The following PSMD2 variants were observed in gnomAD, a reference collection of about 807,000 sequenced individuals.
PSMD2 encodes the protein proteasome 26S subunit ubiquitin receptor, non-ATPase 2, also known as 26S proteasome non-ATPase regulatory subunit 2.
A neutral mutation model predicts 101.5 loss-of-function variants in PSMD2; 8 were observed. That is an observed-to-expected ratio of 0.08 (90% CI 0.05 to 0.14). The LOEUF (loss-of-function observed/expected upper bound fraction) is 0.14, where lower values mean the gene tolerates loss of function less well. Among genes scored for constraint, PSMD2 ranks in the 10% least tolerant of loss-of-function variants. PSMD2 has a pLI of 1.00. For missense variants in PSMD2, 784 were observed against 1,147.4 expected, an observed-to-expected ratio of 0.68 and a Z score of 4.58; for synonymous variants, 418 against 433.8, an observed-to-expected ratio of 0.96 and a Z score of 0.45.
chr3:184,302,598 G>C, intron 6 of PSMD2, 70 bp downstream of exon 6: 1 of 1,611,284 alleles, frequency 6.2e-7, no homozygotes, highest in Admixed American at 1.7e-5. Flanking sequence ...GCTGGGACTT[G>C]TAGTTTCTGG....
At chr3:184,302,234 T>G (rs527557633) in intron 5 of PSMD2, 136 bp from the exon 6 acceptor site, 4 of 1,158,528 alleles carry the variant, frequency 3.5e-6, no homozygotes, top group South Asian at 3.0e-5. Flanking sequence ...ACTTTGTGTC[T>G]TCTTAGTAGT....
In PSMD2 at chr3:184,308,391, T is replaced by G; in HGVS notation, c.2426-58T>G. ...TCAGCGCTGAGGTGGGCTCTCAATG[T>G]TTCTGGCCAGGCCTGTCTTTTTGTC... On this transcript the variant is annotated intron_variant, in intron 19 of 20. Coordinates refer to ENST00000310118, the MANE Select transcript of PSMD2 (RefSeq NM_002808.5). The surrounding 1 kb of genome is among the most constrained non-coding windows in gnomAD (Gnocchi z 6.0). 7.1e-7 allele frequency: 1 copy of G among 1,398,892 alleles called. No individual in the cohort carries two copies. The highest frequency in any genetic ancestry group is 9.9e-7 in the Non-Finnish European group (1 of 1,010,206). 86.7% of individuals were successfully genotyped at this position (1,398,892 alleles called of 1,614,324 possible).
chr3:184,306,321 G>C (rs1721829780), intron 14 of PSMD2, 29 bp from the exon 15 acceptor site: 8 of 1,608,790 alleles, frequency 5.0e-6, no homozygotes, highest in Middle Eastern at 1.7e-4. Flanking sequence ...TCTCATTTCT[G>C]TCCATTCTCC....
In PSMD2 at chr3:184,300,550, G is replaced by T. The variant is rs978652712; in HGVS notation, c.357+106G>T. On this transcript the variant is annotated intron_variant, in intron 3 of 20. Transcript: ENST00000310118. ...ACAGGAAGCCTGATAGACCTAAGCC[G>T]TGATCTATTTGAGCAGAGTTCATCA... 3 of 1,482,692 alleles carry T rather than the reference G, an allele frequency of 2.0e-6. No individual in the cohort carries two copies. In the East Asian group the frequency reaches 7.0e-5, roughly 35 times the overall value. The allele number at this position is 1,482,692 out of a possible 1,614,324, so 91.8% of individuals were successfully genotyped here.
chr3:184,300,686 G>C, intron 3 of PSMD2: 1 of 1,249,254 alleles, frequency 8.0e-7, no homozygotes, highest in Non-Finnish European at 1.0e-6. Context: ...TACTTTTAAC[G>C]TATGTTTAAC....
intron 5 of PSMD2, 146 bp downstream of exon 5, chr3:184,302,217 G>A: frequency 8.5e-7 from 1 of 1,175,204 alleles, no homozygotes; most frequent in African/African-American, 1.5e-5. Context: ...GTTTCTTGAG[G>A]ACAGAGACTT....
rs1721763340 is a variant in PSMD2, at chr3:184,304,513, G to T, written c.1539+122G>T. 1.2e-5 allele frequency: 12 copies of T among 1,001,752 alleles called. No individual in the cohort carries two copies. The highest frequency in any genetic ancestry group is 1.7e-5 in the Non-Finnish European group (11 of 646,732). The allele number at this position is 1,001,752 out of a possible 1,614,324, so 62.1% of individuals were successfully genotyped here. On this transcript the variant is annotated intron_variant, in intron 12 of 20. Coordinates refer to ENST00000310118, the MANE Select transcript of PSMD2 (RefSeq NM_002808.5). The surrounding 1 kb of genome is among the most constrained non-coding windows in gnomAD (Gnocchi z 4.1). The stretch of plus-strand genomic sequence containing the variant: ...GTGTGCATACATGTACATGCCTGTT[G>T]GTGTGTATTGAGGGGCGTCACCTCA...
At chr3:184,300,649 G>T in intron 3 of PSMD2, 1 of 1,354,642 alleles carries the variant, frequency 7.4e-7, no homozygotes, top group Non-Finnish European at 9.5e-7. Flanking sequence ...CATGTGTATT[G>T]GACTTTGGGG....
At position 184,307,379 on chromosome 3, in the gene PSMD2, T is replaced by G; in HGVS notation, c.2057T>G (p.Leu686Arg). Residue 686 changes from leucine (L) to arginine (R), a missense_variant, in exon 17 of 21, where the codon CTC (leucine) becomes CGC (arginine). By Grantham distance (102) the Leu-to-Arg change is moderately radical. Transcript: ENST00000310118. ...CAGCTGAGATATGGGGAGCCTACACTCCGGAGGGCTGTACCTTTAGCACTG... is the reference window on the plus strand; with the variant it reads ...CAGCTGAGATATGGGGAGCCTACACGCCGGAGGGCTGTACCTTTAGCACTG... Reference protein sequence around the residue: ...GHLLRYGEPTLRRAVPLALAL... With the variant: ...GHLLRYGEPTRRRAVPLALAL... The G allele has an allele frequency of 6.2e-7, 1 of 1,614,190 alleles. No homozygotes were observed. The highest frequency in any genetic ancestry group is 8.5e-7 in the Non-Finnish European group (1 of 1,180,028).
rs1177840122 is a variant in PSMD2, at chr3:184,299,922, T to G, written c.192+15T>G. The G allele has an allele frequency of 1.2e-6, 2 of 1,610,522 alleles. No individual in the cohort carries two copies. The highest frequency in any genetic ancestry group is 1.7e-6 in the Non-Finnish European group (2 of 1,176,826). On this transcript the variant is annotated intron_variant, in intron 2 of 20. Transcript: ENST00000310118. ...AACGACTAGGGGTGAGTCACGATGT[T>G]AACATGATTCGGTGCATGTTTGGAT...
In PSMD2 at chr3:184,308,898, C is replaced by T; in HGVS notation, c.*8C>T. The T allele has an allele frequency of 6.2e-7, 1 of 1,609,486 alleles. No individual in the cohort carries two copies. Among genetic ancestry groups the T allele is most frequent in the Non-Finnish European group, 8.5e-7 (1 of 1,178,224 alleles). On this transcript the variant is annotated 3_prime_UTR_variant, in exon 21 of 21. Coordinates refer to ENST00000310118, the MANE Select transcript of PSMD2 (RefSeq NM_002808.5). This position sits in a 1 kb window ranked among gnomAD's most constrained non-coding sequence, Gnocchi z 6.0. ...CCCAATTATGATCTCTAAGTGACCA[C>T]CAGGGGCTCTGAACTGCAGCTGATG...
chr3:184,299,456 GCTCCGCAGGCCTCAGGCCCGACA>G, intron 1 of PSMD2, 55 bp downstream of exon 1: 2 of 1,308,062 alleles, frequency 1.5e-6, no homozygotes, highest in Non-Finnish European at 1.9e-6. Flanking sequence ...AGTCACGGCG[GCTCCGCAGGCCTCAGGCCCGACA>G]CCCAACTACC....
chr3:184,307,292 A>G, intron 16 of PSMD2, 65 bp from the exon 17 acceptor site: 1 of 1,558,142 alleles, frequency 6.4e-7, no homozygotes, highest in Non-Finnish European at 8.8e-7. Context: ...CCATCAGTCC[A>G]CTCCTGTAAT....
In PSMD2 at chr3:184,304,494, A is replaced by C. The variant is rs1225218495; in HGVS notation, c.1539+103A>C. 6 of 1,157,640 alleles carry C rather than the reference A, an allele frequency of 5.2e-6. No homozygotes were observed. The highest frequency in any genetic ancestry group is 3.0e-5 in the African/African-American group (2 of 66,024). The allele number at this position is 1,157,640 out of a possible 1,614,324, so 71.7% of individuals were successfully genotyped here. A position where few individuals can be genotyped will look rare whatever the true frequency, so the allele number is the denominator to read the frequency against. On this transcript the variant is annotated intron_variant, in intron 12 of 20. Coordinates refer to ENST00000310118, the MANE Select transcript of PSMD2 (RefSeq NM_002808.5). This position sits in a 1 kb window ranked among gnomAD's most constrained non-coding sequence, Gnocchi z 4.1. ...AAGAAGTAAGTGTGTGCATGTGTGC[A>C]TACATGTACATGCCTGTTGGTGTGT...
chr3:184,304,910 C>G lies in PSMD2; in HGVS notation c.1539+519C>G, dbSNP rs568479553. 1.6e-4 allele frequency among the ~76,000 whole-genome samples: 24 copies of G among 151,994 alleles called. No individual in the cohort carries two copies. The highest frequency in any genetic ancestry group is 5.3e-4 in the African/African-American group (22 of 41,500). On this transcript the variant is annotated intron_variant, in intron 12 of 20. Coordinates refer to ENST00000310118, the MANE Select transcript of PSMD2 (RefSeq NM_002808.5). This position sits in a 1 kb window ranked among gnomAD's most constrained non-coding sequence, Gnocchi z 4.1. ...GTCTTTAAAAGAAAAAAAAAATTAA[C>G]ATTTTAGTGTTGAGTTCTGTCCCTT...
intron 7 of PSMD2, 48 bp from the exon 8 acceptor site, chr3:184,302,954 C>G (rs745376882): frequency 1.2e-6 from 2 of 1,611,500 alleles, no homozygotes; most frequent in Non-Finnish European, 8.5e-7. Context: ...GAAGGGACAG[C>G]TGGGGGAGTT....
Position 184,304,285 on chromosome 3 carries a change from C to G in PSMD2, c.1452-19C>G, listed in dbSNP as rs372603643. ...TCGTTGGGTATGTGTTGGGGACCGCCTTTCCATGGCTTTTGCAGGCTAGGC... is the reference window on the plus strand; with the variant it reads ...TCGTTGGGTATGTGTTGGGGACCGCGTTTCCATGGCTTTTGCAGGCTAGGC... On this transcript the variant is annotated intron_variant, in intron 11 of 20. Transcript: ENST00000310118. This position sits in a 1 kb window ranked among gnomAD's most constrained non-coding sequence, Gnocchi z 4.1. 1 of 1,613,522 alleles carries G rather than the reference C, an allele frequency of 6.2e-7. No individual in the cohort carries two copies. The highest frequency in any genetic ancestry group is 1.3e-5 in the African/African-American group (1 of 74,926).
rs1341164547 is a variant in PSMD2 at position 184,307,622 on chromosome 3, A to C, written c.2212A>C (p.Asn738His). The change falls in exon 18 of 21, where the codon AAT becomes CAT. Residue 738 changes from asparagine (N) to histidine (H), a missense_variant. Coordinates refer to ENST00000310118, the MANE Select transcript of PSMD2 (RefSeq NM_002808.5). ...AMGMVGSGTN[N>H]ARLAAMLRQL... is the part of the protein sequence containing the mutation. Reference sequence around the variant, plus strand: ...ATGCTTAACATTTCCAGGTACCAATAATGCCCGTCTGGCTGCAATGCTGCG... The same window carrying C: ...ATGCTTAACATTTCCAGGTACCAATCATGCCCGTCTGGCTGCAATGCTGCG... The C allele has an allele frequency of 2.5e-6, 4 of 1,614,114 alleles. No individual in the cohort carries two copies. Among genetic ancestry groups the C allele is most frequent in the Non-Finnish European group, 3.4e-6 (4 of 1,180,030 alleles).
rs1721562599 is a variant in PSMD2, at chr3:184,299,259, C to T, written c.-8C>T. On this transcript the variant is annotated 5_prime_UTR_variant, in exon 1 of 21. Coordinates refer to ENST00000310118, the MANE Select transcript of PSMD2 (RefSeq NM_002808.5). ...TGCGCGCGCAGCGGGCCGGCAGTGGCGGCGGAGATGGAGGAGGGAGGCCGG... is the reference window on the plus strand; with the variant it reads ...TGCGCGCGCAGCGGGCCGGCAGTGGTGGCGGAGATGGAGGAGGGAGGCCGG... The T allele has an allele frequency of 7.5e-6, 10 of 1,333,368 alleles. No individual in the cohort carries two copies. Among genetic ancestry groups the T allele is most frequent in the South Asian group, 1.8e-5 (1 of 54,214 alleles). 82.6% of individuals were successfully genotyped at this position (1,333,368 alleles called of 1,614,324 possible). A position where few individuals can be genotyped will look rare whatever the true frequency, so the allele number is the denominator to read the frequency against.
Sources: allele counts gnomAD v4.1 joint callset (sites outside exome capture counted in the v4.1 genomes callset), GRCh38; gene constraint gnomAD v4.1.1; non-coding constraint Gnocchi (gnomAD v3.1); transcripts MANE v1.5; gene names NCBI Gene and HGNC (gene_info 2026-07-23, HGNC 2026-07-21).